Variants in MARCHF1 observed in about 807,000 individuals in gnomAD.
MARCHF1 encodes E3 ubiquitin-protein ligase MARCHF1.
MARCHF1 carries 40 observed loss-of-function variants against 54.2 expected under a neutral mutation model. The ratio of observed to expected loss-of-function variants is 0.74; its 90% CI spans 0.57 to 0.96. The LOEUF (loss-of-function observed/expected upper bound fraction) is 0.96, where lower values mean the gene tolerates loss of function less well. MARCHF1 is among the 40% of genes least tolerant of loss of function. The pLI, the probability that MARCHF1 is intolerant of heterozygous loss-of-function variation, is 0.00. For missense variants in MARCHF1, 586 were observed against 656.5 expected (o/e 0.89, Z 1.17); for synonymous variants, 236 against 236.3 (o/e 1.00, Z 0.01).
At chr4:163,856,548 T>C (rs983363604) in intron 3 of MARCHF1, among the ~76,000 whole-genome samples, 1 of 152,222 alleles carries the variant, frequency 6.6e-6, no homozygotes. Flanking sequence ...GTAGAATCTA[T>C]GAAAACAATA....
chr4:164,243,950 T>G (rs1261191860), intron 1 of MARCHF1, among the ~76,000 whole-genome samples: 2 of 152,054 alleles, frequency 1.3e-5, no homozygotes, highest in East Asian at 3.9e-4. Flanking sequence ...GCACCCAGAT[T>G]CATAAAGCAA....
chr4:163,669,760 G>T (rs1368858223), intron 5 of MARCHF1, among the ~76,000 whole-genome samples: 1 of 151,948 alleles, frequency 6.6e-6, no homozygotes, highest in African/African-American at 2.4e-5. Flanking sequence ...CACCATACCT[G>T]GCTAATTTTT....
intron 1 of MARCHF1, among the ~76,000 whole-genome samples, chr4:164,344,360 C>T (rs1014158427): frequency 1.3e-5 from 2 of 152,070 alleles, no homozygotes; most frequent in African/African-American, 4.8e-5. Flanking sequence ...TCGATGTGTA[C>T]CCCTGAACCT....
chr4:163,646,244 T>TA (rs34369438), intron 5 of MARCHF1, among the ~76,000 whole-genome samples: 51,219 of 149,324 alleles, frequency 0.34, 9,465 homozygotes, highest in Non-Finnish European at 0.43. Context: ...GACATGAAAT[T>TA]AAAAAAAACC....
intron 6 of MARCHF1, 127 bp downstream of exon 6, chr4:163,613,187 T>C: frequency 8.0e-7 from 1 of 1,243,946 alleles, no homozygotes. Context: ...TGAAAAAAAA[T>C]AGCCAGTATA....
intron 4 of MARCHF1, among the ~76,000 whole-genome samples, chr4:163,722,146 T>C (rs999527427): frequency 6.6e-6 from 1 of 152,158 alleles, no homozygotes; most frequent in South Asian, 2.1e-4. Flanking sequence ...AGATCTTTCC[T>C]GCTTTCTCTT....
rs1252034929 is a variant in MARCHF1, at chr4:164,367,634, C to G, written c.-323+16236G>C. Among the ~76,000 whole-genome samples the G allele has an allele frequency of 2.6e-5, 4 of 151,766 alleles. No individual in the cohort carries two copies. The East Asian group carries it at 7.7e-4, about 29-fold the overall frequency. On this transcript the variant is annotated intron_variant, in intron 1 of 9. Transcript: ENST00000514618. ...GGAATGACTTAGATTTAAAGTTCTT[C>G]CTTTTCCCCTTCTTTTTTACCTTTA...
At chr4:163,683,937 G>A (rs933462058) in intron 5 of MARCHF1, among the ~76,000 whole-genome samples, 8 of 146,828 alleles carry the variant, frequency 5.4e-5, no homozygotes, top group Admixed American at 1.4e-4. Context: ...TCACTCACAC[G>A]TCTACCTGCT....
intron 4 of MARCHF1, among the ~76,000 whole-genome samples, chr4:163,725,864 T>C (rs748725817): frequency 2.0e-5 from 3 of 152,244 alleles, no homozygotes; most frequent in Admixed American, 6.5e-5. Flanking sequence ...AGTTAATGTC[T>C]GTTTTTGTTA....
chr4:163,803,382 C>T (rs573860606), intron 4 of MARCHF1, among the ~76,000 whole-genome samples: 35 of 149,814 alleles, frequency 2.3e-4, no homozygotes, highest in East Asian at 1.4e-3. Flanking sequence ...CATGTTGGCC[C>T]GGCTGGTCTT....
intron 1 of MARCHF1, among the ~76,000 whole-genome samples, chr4:164,344,244 G>A (rs934235023): frequency 1.3e-5 from 2 of 152,044 alleles, no homozygotes; most frequent in African/African-American, 4.8e-5. Context: ...GAAGGAGGAG[G>A]GAGAAGATCG....
intron 3 of MARCHF1, among the ~76,000 whole-genome samples, chr4:163,921,392 G>T (rs906820138): frequency 2.4e-4 from 36 of 151,994 alleles, no homozygotes; most frequent in African/African-American, 8.7e-4. Context: ...AAAAAAGAAG[G>T]TATATCTAGA....
intron 2 of MARCHF1, among the ~76,000 whole-genome samples, chr4:164,012,303 CAGA>C (rs1753438302): frequency 6.6e-6 from 1 of 152,024 alleles, no homozygotes; most frequent in African/African-American, 2.4e-5. Context: ...TTCTGCTTGA[CAGA>C]AGGTGAGTAC....
chr4:163,963,429 A>G (rs1168344348), intron 3 of MARCHF1, among the ~76,000 whole-genome samples: 1 of 151,964 alleles, frequency 6.6e-6, no homozygotes, highest in Non-Finnish European at 1.5e-5. Context: ...ACATTTTACT[A>G]TTCTCCTTAG....
At chr4:164,214,424 G>A (rs1472332004) in intron 1 of MARCHF1, among the ~76,000 whole-genome samples, 14 of 151,958 alleles carry the variant, frequency 9.2e-5, no homozygotes, top group Admixed American at 1.3e-4. Flanking sequence ...CTTTGTTTAT[G>A]TAACAAAGTT....
At chr4:164,361,046 C>A (rs901951216) in intron 1 of MARCHF1, among the ~76,000 whole-genome samples, 4 of 151,626 alleles carry the variant, frequency 2.6e-5, no homozygotes, top group Admixed American at 2.0e-4. Context: ...GGTCTAGGGT[C>A]ATTATGGTAC....
intron 1 of MARCHF1, among the ~76,000 whole-genome samples, chr4:164,175,417 C>CT (rs1219566715): frequency 6.6e-6 from 1 of 152,192 alleles, no homozygotes; most frequent in Admixed American, 6.5e-5. Context: ...ATTTCCTTTA[C>CT]TTTTTTTCCC....
intron 2 of MARCHF1, among the ~76,000 whole-genome samples, chr4:164,065,395 C>G (rs565199345): frequency 6.6e-6 from 1 of 152,234 alleles, no homozygotes; most frequent in South Asian, 2.1e-4. Flanking sequence ...GATTTCATGG[C>G]AAAGGCATCA....
chr4:164,097,919 C>T (rs1395065060), intron 2 of MARCHF1, among the ~76,000 whole-genome samples: 1 of 152,154 alleles, frequency 6.6e-6, no homozygotes, highest in Non-Finnish European at 1.5e-5. Flanking sequence ...CGGCTGGCTT[C>T]ATGGTGGAAC....
Sources: allele counts gnomAD v4.1 joint callset (sites outside exome capture counted in the v4.1 genomes callset), GRCh38; gene constraint gnomAD v4.1.1; transcripts MANE v1.5; gene names NCBI Gene and HGNC (gene_info 2026-07-23, HGNC 2026-07-21).